The following GUCY1A2 variants were observed in gnomAD, a reference collection of about 807,000 sequenced individuals.
The protein encoded by GUCY1A2 is guanylate cyclase 1 soluble subunit alpha 2, also known as guanylate cyclase soluble subunit alpha-2.
GUCY1A2 carries 27 observed loss-of-function variants against 63.5 expected under a neutral mutation model. That is an observed-to-expected ratio of 0.43 (90% CI 0.31 to 0.59). The LOEUF (loss-of-function observed/expected upper bound fraction) is 0.59, where lower values mean the gene tolerates loss of function less well. Among genes scored for constraint, GUCY1A2 ranks in the 20% least tolerant of loss-of-function variants. The pLI, the probability that GUCY1A2 is intolerant of heterozygous loss-of-function variation, is 0.11. For missense variants in GUCY1A2, 768 were observed against 913.3 expected (o/e 0.84, Z 2.05); for synonymous variants, 364 against 343.5 (o/e 1.06, Z -0.66).
intron 4 of GUCY1A2, among the ~76,000 whole-genome samples, chr11:106,835,696 G>A (rs1859107424): frequency 6.6e-6 from 1 of 151,684 alleles, no homozygotes. Context: ...CTATATAGAA[G>A]TAATAGAAAC....
intron 4 of GUCY1A2, among the ~76,000 whole-genome samples, chr11:106,923,594 A>T (rs2226873): frequency 0.15 from 23,195 of 152,130 alleles, 2,123 homozygotes; most frequent in South Asian, 0.27. Context: ...AATTTTTTTT[A>T]AAACATATGA....
chr11:106,907,601 T>C (rs1300683470), intron 4 of GUCY1A2, among the ~76,000 whole-genome samples: 1 of 151,860 alleles, frequency 6.6e-6, no homozygotes, highest in Non-Finnish European at 1.5e-5. Flanking sequence ...TTCCCCTTCC[T>C]GTGTCCATGT....
intron 4 of GUCY1A2, among the ~76,000 whole-genome samples, chr11:106,851,861 G>C (rs1859360385): frequency 6.6e-6 from 1 of 151,700 alleles, no homozygotes; most frequent in Non-Finnish European, 1.5e-5. Context: ...ACAAATTTTA[G>C]GATATTTTTT....
intron 4 of GUCY1A2, among the ~76,000 whole-genome samples, chr11:106,910,706 G>A (rs1043902795): frequency 1.3e-5 from 2 of 152,104 alleles, no homozygotes; most frequent in Admixed American, 6.6e-5. Flanking sequence ...TACATTGGCC[G>A]AAATGACTTA....
intron 1 of GUCY1A2, among the ~76,000 whole-genome samples, chr11:107,001,508 G>A (rs986078054): frequency 2.6e-5 from 4 of 152,004 alleles, no homozygotes; most frequent in African/African-American, 9.7e-5. Context: ...AGCATGCATA[G>A]GGGGCATACA....
intron 3 of GUCY1A2, among the ~76,000 whole-genome samples, chr11:106,978,238 C>A (rs1861288424): frequency 6.6e-6 from 1 of 152,120 alleles, no homozygotes; most frequent in Admixed American, 6.5e-5. Flanking sequence ...GTGGGCCACC[C>A]TTCTGCCCCA....
rs188390525 is a variant in GUCY1A2, at chr11:106,701,078, G to A, written c.1991+7434C>T. On this transcript the variant is annotated intron_variant, in intron 7 of 7. Coordinates refer to ENST00000526355, the MANE Select transcript of GUCY1A2 (RefSeq NM_000855.3). ...TCATCATTCTTCAATTATTCCATTC[G>A]TCTTTCTCTGAATTTACCAGAAAGA... Among the ~76,000 whole-genome samples the A allele has an allele frequency of 2.3e-3, 352 of 152,074 alleles. 8 individuals are homozygous for A. The highest frequency in any genetic ancestry group is 0.021 in the Admixed American group (323 of 15,270).
At chr11:106,987,350 G>A (rs373163752) in intron 1 of GUCY1A2, among the ~76,000 whole-genome samples, 22 of 152,230 alleles carry the variant, frequency 1.4e-4, no homozygotes, top group African/African-American at 5.1e-4. Context: ...AAAATATATC[G>A]TCTAAAGGAG....
chr11:106,921,989 A>G (rs1312857061), intron 4 of GUCY1A2, among the ~76,000 whole-genome samples: 3 of 152,188 alleles, frequency 2.0e-5, no homozygotes, highest in Non-Finnish European at 2.9e-5. Context: ...ATGTTAACAT[A>G]AAGTGCACAT....
At chr11:106,807,649 G>C (rs1341361705) in intron 5 of GUCY1A2, among the ~76,000 whole-genome samples, 1 of 152,136 alleles carries the variant, frequency 6.6e-6, no homozygotes, top group African/African-American at 2.4e-5. Context: ...AAAAAATATT[G>C]TTCCTAGGTG....
intron 4 of GUCY1A2, chr11:106,826,468 A>C (rs756697705): frequency 2.0e-5 from 32 of 1,591,130 alleles, no homozygotes; most frequent in Non-Finnish European, 2.5e-5. Flanking sequence ...CATTTGGTTT[A>C]AGATTAGGTT....
chr11:106,899,749 G>C (rs892863179), intron 4 of GUCY1A2, among the ~76,000 whole-genome samples: 54 of 152,188 alleles, frequency 3.5e-4, no homozygotes, highest in African/African-American at 1.1e-3. Flanking sequence ...TAATAATGCA[G>C]GGCTTTCATA....
intron 4 of GUCY1A2, among the ~76,000 whole-genome samples, chr11:106,846,016 T>A (rs1859266075): frequency 6.6e-6 from 1 of 151,630 alleles, no homozygotes; most frequent in Admixed American, 6.6e-5. Context: ...ACATTTAACC[T>A]AATCTAATCA....
At chr11:106,889,009 A>AT (rs1385756439) in intron 4 of GUCY1A2, among the ~76,000 whole-genome samples, 1 of 152,194 alleles carries the variant, frequency 6.6e-6, no homozygotes, top group Non-Finnish European at 1.5e-5. Context: ...TAGAAAAAAA[A>AT]AACCTTAAAA....
At chr11:106,961,660 G>C (rs1001825030) in intron 3 of GUCY1A2, among the ~76,000 whole-genome samples, 1 of 152,166 alleles carries the variant, frequency 6.6e-6, no homozygotes, top group Non-Finnish European at 1.5e-5. Flanking sequence ...TCAAAAAAGA[G>C]TCACAATTAA....
intron 6 of GUCY1A2, among the ~76,000 whole-genome samples, chr11:106,713,766 A>G (rs963067726): frequency 1.3e-5 from 2 of 151,912 alleles, no homozygotes; most frequent in African/African-American, 2.4e-5. Context: ...TCGACCTCCC[A>G]AAGTGCTGGG....
intron 4 of GUCY1A2, among the ~76,000 whole-genome samples, chr11:106,852,582 C>A (rs1232201355): frequency 1.3e-5 from 2 of 151,944 alleles, no homozygotes; most frequent in East Asian, 3.9e-4. Flanking sequence ...TGGCTTTTGT[C>A]CTTCATTCTA....
chr11:106,751,635 CAAAAT>C lies in GUCY1A2; in HGVS notation c.1836+24799_1836+24803del, dbSNP rs200579318. The stretch of plus-strand genomic sequence containing the variant: ...ATTTTCTAATTTGCCAGTATTTTCT[CAAAAT>C]AAAATAAAATAAAATAAACTTTCAT... On this transcript the variant is annotated intron_variant, in intron 6 of 7. Coordinates refer to ENST00000526355, the MANE Select transcript of GUCY1A2 (RefSeq NM_000855.3). 8.8e-3 allele frequency among the ~76,000 whole-genome samples: 1,334 copies of C among 151,544 alleles called. 10 individuals are homozygous for C. Among genetic ancestry groups the C allele is most frequent in the African/African-American group, 0.024 (1,009 of 41,338 alleles).
chr11:106,821,952 G>T (rs1330754408), intron 4 of GUCY1A2, among the ~76,000 whole-genome samples: 1 of 152,036 alleles, frequency 6.6e-6, no homozygotes, highest in Admixed American at 6.6e-5. Flanking sequence ...TTAATATATT[G>T]CTTAGTAATA....
Sources: allele counts gnomAD v4.1 joint callset (sites outside exome capture counted in the v4.1 genomes callset), GRCh38; gene constraint gnomAD v4.1.1; transcripts MANE v1.5; gene names NCBI Gene and HGNC (gene_info 2026-07-23, HGNC 2026-07-21).